CERS6: variants seen among roughly 807,000 people sequenced by gnomAD.
The protein encoded by CERS6 is ceramide synthase 6.
A neutral mutation model predicts 56.8 loss-of-function variants in CERS6; 26 were observed. That is an observed-to-expected ratio of 0.46 (90% confidence interval 0.34 to 0.63). The LOEUF (loss-of-function observed/expected upper bound fraction) is 0.63, where lower values mean the gene tolerates loss of function less well. Ranked by LOEUF, CERS6 falls within the 30% of genes least tolerant of loss-of-function variation. The pLI, the probability that CERS6 is intolerant of heterozygous loss-of-function variation, is 0.01. For synonymous variants in CERS6, 164 were observed against 173.3 expected, an observed-to-expected ratio of 0.95 and a Z score of 0.42; for missense variants, 415 against 467.5, an observed-to-expected ratio of 0.89 and a Z score of 1.04.
At chr2:168,499,659 A>G (rs1253323580) in intron 1 of CERS6, among the ~76,000 whole-genome samples, 4 of 152,188 alleles carry the variant, frequency 2.6e-5, no homozygotes, top group Non-Finnish European at 5.9e-5. Context: ...TTGTTTGGCT[A>G]GAAGAAAATC....
chr2:168,724,805 C>T (rs1293611620), intron 8 of CERS6, among the ~76,000 whole-genome samples: 3 of 152,248 alleles, frequency 2.0e-5, no homozygotes, highest in Non-Finnish European at 1.5e-5. Flanking sequence ...CTCCAAGGCC[C>T]CACCAGACTC....
intron 3 of CERS6, among the ~76,000 whole-genome samples, chr2:168,569,713 G>T (rs546920360): frequency 6.6e-6 from 1 of 152,138 alleles, no homozygotes; most frequent in Non-Finnish European, 1.5e-5. Flanking sequence ...GGACCAGTGG[G>T]TCAGTATGGT....
At chr2:168,691,667 G>T (rs1340651844) in intron 5 of CERS6, among the ~76,000 whole-genome samples, 2 of 152,170 alleles carry the variant, frequency 1.3e-5, no homozygotes, top group South Asian at 4.1e-4. Context: ...TTAGATCTCT[G>T]CCCACTGGCA....
intron 1 of CERS6, among the ~76,000 whole-genome samples, chr2:168,511,952 A>T (rs1262199275): frequency 1.2e-4 from 1 of 8,144 alleles, no homozygotes; most frequent in Non-Finnish European, 1.3e-3. Context: ...ATGCACGTGC[A>T]CACACACACA....
chr2:168,758,938 G>T (rs893848064), intron 8 of CERS6, among the ~76,000 whole-genome samples: 11 of 151,988 alleles, frequency 7.2e-5, no homozygotes, highest in Non-Finnish European at 1.5e-4. Flanking sequence ...ACTCCCTTGT[G>T]TTTGCCTCAC....
At position 168,624,609 on chromosome 2, in the gene CERS6, A is replaced by AC. The variant is rs762984679; in HGVS notation, c.408-6370dup. 1.7e-4 allele frequency among the ~76,000 whole-genome samples: 26 copies of AC among 151,982 alleles called. 1 individual carries two copies. The East Asian group carries it at 2.9e-3, about 17-fold the overall frequency. Reference sequence around the variant, plus strand: ...TGTTTTGTAAAAATAAATAGGTGACACCCCCCACCCCAAGAGAACCTACTA... The same window carrying AC: ...TGTTTTGTAAAAATAAATAGGTGACACCCCCCCACCCCAAGAGAACCTACTA... On this transcript the variant is annotated intron_variant, in intron 3 of 9. Coordinates refer to ENST00000305747, the MANE Select transcript of CERS6 (RefSeq NM_203463.3).
At chr2:168,516,522 G>C (rs973353527) in intron 1 of CERS6, among the ~76,000 whole-genome samples, 1 of 152,074 alleles carries the variant, frequency 6.6e-6, no homozygotes, top group African/African-American at 2.4e-5. Context: ...AAATCAAGTT[G>C]TTCAATCTCC....
chr2:168,582,540 G>C (rs185700201), intron 3 of CERS6, among the ~76,000 whole-genome samples: 7 of 152,022 alleles, frequency 4.6e-5, no homozygotes. Context: ...GTATTAATAA[G>C]ACCTTAAATC....
At chr2:168,536,053 A>G (rs1484503434) in intron 1 of CERS6, among the ~76,000 whole-genome samples, 1 of 152,132 alleles carries the variant, frequency 6.6e-6, no homozygotes, top group African/African-American at 2.4e-5. Context: ...TTCATCTTCA[A>G]AACTTTATGG....
chr2:168,488,918 C>A (rs1356194408), intron 1 of CERS6, among the ~76,000 whole-genome samples: 3 of 152,156 alleles, frequency 2.0e-5, no homozygotes, highest in Admixed American at 6.5e-5. Context: ...CAGTGTTACA[C>A]ATTTTGCTTT....
intron 4 of CERS6, among the ~76,000 whole-genome samples, chr2:168,653,497 C>G (rs1483318804): frequency 3.9e-5 from 6 of 152,090 alleles, no homozygotes; most frequent in Non-Finnish European, 7.4e-5. Context: ...GATTTAAATA[C>G]CTTATGTTAA....
intron 6 of CERS6, among the ~76,000 whole-genome samples, chr2:168,705,479 G>A (rs1330588765): frequency 6.6e-6 from 1 of 152,186 alleles, no homozygotes; most frequent in East Asian, 1.9e-4. Context: ...GTGAGGGGTT[G>A]GGAGTAGGAA....
chr2:168,768,106 C>T (rs189439459), intron 9 of CERS6, among the ~76,000 whole-genome samples: 5 of 152,252 alleles, frequency 3.3e-5, no homozygotes, highest in Non-Finnish European at 5.9e-5. Flanking sequence ...GGATTTTTCT[C>T]ATCGTTTATG....
At chr2:168,690,322 TTG>T (rs1421802102) in intron 4 of CERS6, among the ~76,000 whole-genome samples, 1 of 152,196 alleles carries the variant, frequency 6.6e-6, no homozygotes, top group Non-Finnish European at 1.5e-5. Flanking sequence ...ATGAGAAAGT[TTG>T]TGCTGGTCTT....
rs1467294992 is a variant in CERS6, at chr2:168,644,392, T to C, written c.465+13350T>C. On this transcript the variant is annotated intron_variant, in intron 4 of 9. Coordinates refer to ENST00000305747, the MANE Select transcript of CERS6 (RefSeq NM_203463.3). ...GAGGAGGCAGCAGATATGAGAATGA[T>C]GAGAGGCAAGTGAGGCAGATGAACA... 5 of 981,660 alleles carry C rather than the reference T, an allele frequency of 5.1e-6. No homozygotes were observed. The South Asian group carries it at 1.4e-4, about 28-fold the overall frequency. 60.8% of individuals were successfully genotyped at this position (981,660 alleles called of 1,614,324 possible). A position where few individuals can be genotyped will look rare whatever the true frequency, so the allele number is the denominator to read the frequency against.
At chr2:168,639,406 C>G (rs1474465530) in intron 4 of CERS6, among the ~76,000 whole-genome samples, 1 of 152,208 alleles carries the variant, frequency 6.6e-6, no homozygotes, top group African/African-American at 2.4e-5. Flanking sequence ...AGAGACCTCT[C>G]TGACACAGAA....
rs1479673060 is a variant in CERS6 at position 168,751,054 on chromosome 2, GC to G, written c.846-14537del. ...TTCCATGCTATAGATGCAAAACATA[GC>G]TGTGGTCACTGAGCTAAATATTGAT... On this transcript the variant is annotated intron_variant, in intron 8 of 9. Transcript: ENST00000305747. 1.1e-4 allele frequency among the ~76,000 whole-genome samples: 16 copies of G among 152,158 alleles called. 1 individual carries two copies.
intron 3 of CERS6, among the ~76,000 whole-genome samples, chr2:168,614,192 A>G (rs920210173): frequency 6.6e-6 from 1 of 152,262 alleles, no homozygotes. Context: ...TTTGTTTTCA[A>G]TTGGATGGGA....
chr2:168,608,839 A>T (rs771464312), intron 3 of CERS6, among the ~76,000 whole-genome samples: 8 of 152,200 alleles, frequency 5.3e-5, no homozygotes, highest in Non-Finnish European at 8.8e-5. Flanking sequence ...TTGAAGGGCA[A>T]TGCATTTTGA....
Sources: gnomAD v4.1 joint callset for allele counts (sites outside exome capture counted in the v4.1 genomes callset) on GRCh38, gnomAD v4.1.1 for gene constraint, MANE v1.5 for transcripts, NCBI Gene and HGNC (gene_info 2026-07-23, HGNC 2026-07-21) for gene names.